Variants in CACHD1 observed in about 807,000 individuals in gnomAD.
CACHD1 encodes cache domain containing 1, also known as VWFA and cache domain-containing protein 1.
Under a neutral mutation model 138.7 loss-of-function variants are expected in CACHD1, and 71 were observed. The ratio of observed to expected loss-of-function variants is 0.51; its 90% CI spans 0.42 to 0.62. The LOEUF is 0.62. CACHD1 is among the 20% of genes least tolerant of loss of function. The probability of loss-of-function intolerance (pLI) is 0.00; values close to 1 mark genes in which losing one functional copy is unlikely to be tolerated. For missense variants in CACHD1, 1,389 were observed against 1,625.3 expected (o/e 0.85, Z 2.50); for synonymous variants, 578 against 591.5 (o/e 0.98, Z 0.33).
intron 1 of CACHD1, among the ~76,000 whole-genome samples, chr1:64,534,890 G>C (rs1052891747): frequency 6.6e-6 from 1 of 152,264 alleles, no homozygotes; most frequent in African/African-American, 2.4e-5. Flanking sequence ...CCCTTGGGAA[G>C]CCTAGAGTTG....
At chr1:64,524,894 T>G (rs305574) in intron 1 of CACHD1, among the ~76,000 whole-genome samples, 92,461 of 151,910 alleles carry the variant, frequency 0.61, 32,096 homozygotes, top group East Asian at 0.77. Context: ...AGCACTCCCA[T>G]GTATGAGAGA....
intron 1 of CACHD1, among the ~76,000 whole-genome samples, chr1:64,505,027 T>A (rs921096938): frequency 2.0e-5 from 3 of 152,218 alleles, no homozygotes; most frequent in Non-Finnish European, 4.4e-5. Flanking sequence ...CAAACTTTTT[T>A]CTGGAAATAA....
intron 2 of CACHD1, among the ~76,000 whole-genome samples, chr1:64,553,705 G>T (rs553227773): frequency 7.2e-5 from 11 of 152,178 alleles, no homozygotes; most frequent in Admixed American, 5.2e-4. Flanking sequence ...CTTCCAAAGA[G>T]AATATCTTCC....
chr1:64,629,832 T>G (rs1402247868), intron 5 of CACHD1, among the ~76,000 whole-genome samples: 1 of 152,206 alleles, frequency 6.6e-6, no homozygotes, highest in Non-Finnish European at 1.5e-5. Context: ...AACATAACTT[T>G]ATAACATATC....
chr1:64,637,164 C>T (rs1001643100), intron 7 of CACHD1, among the ~76,000 whole-genome samples: 1 of 152,208 alleles, frequency 6.6e-6, no homozygotes, highest in Admixed American at 6.5e-5. Context: ...TGTCATCAGA[C>T]CATCTTTAAA....
chr1:64,496,528 T>C (rs1646307120), intron 1 of CACHD1, among the ~76,000 whole-genome samples: 1 of 152,220 alleles, frequency 6.6e-6, no homozygotes, highest in Admixed American at 6.5e-5. Context: ...ACTCAAATTT[T>C]TCCAGTCTTG....
intron 3 of CACHD1, among the ~76,000 whole-genome samples, chr1:64,598,884 T>C (rs1647185361): frequency 6.7e-6 from 1 of 150,110 alleles, no homozygotes; most frequent in Non-Finnish European, 1.5e-5. Flanking sequence ...AATGTGATCA[T>C]ATTAGGAGGA....
chr1:64,531,153 G>A (rs982688172), intron 1 of CACHD1, among the ~76,000 whole-genome samples: 1 of 152,048 alleles, frequency 6.6e-6, no homozygotes, highest in Non-Finnish European at 1.5e-5. Flanking sequence ...ATGTATTGTG[G>A]ATAGAATGAA....
chr1:64,613,722 G>A (rs1338420863), intron 4 of CACHD1, among the ~76,000 whole-genome samples: 1 of 151,826 alleles, frequency 6.6e-6, no homozygotes, highest in Non-Finnish European at 1.5e-5. Context: ...TTCCTCTGGG[G>A]CTCCATTTTC....
chr1:64,664,061 C>T, intron 14 of CACHD1: 2 of 542,946 alleles, frequency 3.7e-6, no homozygotes, highest in Non-Finnish European at 6.4e-6. Flanking sequence ...GCCTTAGAAG[C>T]ACTGGGGGTT....
At position 64,653,813 on chromosome 1, in the gene CACHD1, A is replaced by C. The variant is rs911330342; in HGVS notation, c.1596A>C (p.Pro532=). ...LTRPYLLSEP[P]LHTDIIHYEN... ...GGCCATATTTATTGTCAGAGCCCCC[A>C]CTTCATACTGACATCATACATTATG... Residue 532 remains proline, a synonymous_variant, in exon 11 of 27, where the codon CCA becomes CCC. Transcript: ENST00000651257. 6.8e-6 allele frequency: 11 copies of C among 1,612,416 alleles called. No individual in the cohort carries two copies. The highest frequency in any genetic ancestry group is 9.3e-6 in the Non-Finnish European group (11 of 1,178,684).
intron 1 of CACHD1, among the ~76,000 whole-genome samples, chr1:64,478,066 A>C (rs1646186314): frequency 6.6e-6 from 1 of 152,240 alleles, no homozygotes; most frequent in Non-Finnish European, 1.5e-5. Flanking sequence ...CTAGTATATA[A>C]AATTTACAAT....
At chr1:64,546,356 A>G (rs550424600) in intron 1 of CACHD1, among the ~76,000 whole-genome samples, 17 of 149,176 alleles carry the variant, frequency 1.1e-4, no homozygotes, top group African/African-American at 4.2e-4. Context: ...TTTTTTTGAG[A>G]CATGGTCTGA....
intron 4 of CACHD1, among the ~76,000 whole-genome samples, chr1:64,611,722 G>C (rs1260357828): frequency 6.6e-6 from 1 of 152,200 alleles, no homozygotes; most frequent in African/African-American, 2.4e-5. Context: ...GGAAGTTCCA[G>C]ACTTTCCCTC....
Position 64,629,445 on chromosome 1 carries a change from A to T in CACHD1, c.608A>T (p.Lys203Met), listed in dbSNP as rs749028756. Residue 203 changes from lysine to methionine, a missense_variant, in exon 5 of 27, where the codon AAG becomes ATG. Lys to Met is a moderately conservative substitution (Grantham distance 95, BLOSUM62 -1). This residue lies in a region of CACHD1 where 1,000 missense variants were observed against 1,114.7 expected (regional missense o/e 0.90). Coordinates refer to ENST00000651257, the MANE Select transcript of CACHD1 (RefSeq NM_020925.4). ...EGIFTVFPAH[K>M]FRCKGSYEHR... Reference sequence around the variant, plus strand: ...ATTTTCACTGTTTTCCCAGCACACAAGTTCCGGTGTAAGGGCAGCTACGAA... The same window carrying T: ...ATTTTCACTGTTTTCCCAGCACACATGTTCCGGTGTAAGGGCAGCTACGAA... The T allele has an allele frequency of 6.2e-7, 1 of 1,614,140 alleles. No individual in the cohort carries two copies. Among genetic ancestry groups the T allele is most frequent in the Non-Finnish European group, 8.5e-7 (1 of 1,179,976 alleles).
At chr1:64,643,995 T>A (rs556906077) in intron 8 of CACHD1, among the ~76,000 whole-genome samples, 3 of 152,382 alleles carry the variant, frequency 2.0e-5, no homozygotes, top group East Asian at 3.9e-4. Context: ...GACAAGCATG[T>A]CTCCCATTAT....
At chr1:64,650,323 A>T (rs898420059) in intron 9 of CACHD1, among the ~76,000 whole-genome samples, 1 of 152,164 alleles carries the variant, frequency 6.6e-6, no homozygotes, top group Non-Finnish European at 1.5e-5. Context: ...TTAATCCTAG[A>T]CTAAAGCTCA....
rs949364975 is a variant in CACHD1 at position 64,470,899 on chromosome 1, T to C, written c.155T>C (p.Met52Thr). The change falls in exon 1 of 27, where the codon ATG (methionine) becomes ACG (threonine). Residue 52 changes from methionine (M) to threonine (T), a missense_variant. Physicochemically the swap from Met to Thr is moderately conservative, Grantham distance 81. Coordinates refer to ENST00000651257, the MANE Select transcript of CACHD1 (RefSeq NM_020925.4). This position sits in a 1 kb window ranked among gnomAD's most constrained non-coding sequence, Gnocchi z 5.2. Reference protein sequence around the residue: ...LDEAQVLASQMRRLAAEELGV... With the variant: ...LDEAQVLASQTRRLAAEELGV... ...GAGGCGCAAGTGCTGGCGAGCCAGA[T>C]GCGGAGGCTGGCGGCCGAGGAGCTG... 7 of 1,609,264 alleles carry C rather than the reference T, an allele frequency of 4.3e-6. No homozygotes were observed. The highest frequency in any genetic ancestry group is 1.7e-4 in the Middle Eastern group (1 of 6,050).
At chr1:64,617,569 T>G (rs1416519142) in intron 4 of CACHD1, among the ~76,000 whole-genome samples, 1 of 152,154 alleles carries the variant, frequency 6.6e-6, no homozygotes, top group Non-Finnish European at 1.5e-5. Context: ...CTCCTTAGTC[T>G]TAGACTAAAA....
Sources: gnomAD v4.1 joint callset for allele counts (sites outside exome capture counted in the v4.1 genomes callset) on GRCh38, gnomAD v4.1.1 for gene constraint, gnomAD v4.1.1 regional missense constraint, Gnocchi (gnomAD v3.1) non-coding constraint, MANE v1.5 for transcripts, NCBI Gene and HGNC (gene_info 2026-07-23, HGNC 2026-07-21) for gene names.